The following EFCAB13 variants were observed in gnomAD, a reference collection of about 807,000 sequenced individuals.
The protein encoded by EFCAB13 is EF-hand calcium binding domain 13, also known as EF-hand calcium-binding domain-containing protein 13.
Under a neutral mutation model 110.2 loss-of-function variants are expected in EFCAB13, and 91 were observed. The observed-to-expected ratio is 0.83, with a 90% CI of 0.70 to 0.98. The LOEUF is 0.98. Ranked by LOEUF, EFCAB13 falls within the 50% of genes least tolerant of loss-of-function variation. EFCAB13 has a pLI of 0.00. For synonymous variants in EFCAB13, 323 were observed against 369.9 expected (o/e 0.87, Z 1.45); for missense variants, 968 against 1,119.4 (o/e 0.86, Z 1.93).
At chr17:47,411,254 A>G (rs558437024) in intron 21 of EFCAB13, among the ~76,000 whole-genome samples, 1 of 152,250 alleles carries the variant, frequency 6.6e-6, no homozygotes, top group Admixed American at 6.5e-5. Context: ...ATTTGTATTT[A>G]TTCTGTAGTC....
At position 47,403,954 on chromosome 17, in the gene EFCAB13, A is replaced by G; in HGVS notation, c.2094A>G (p.Leu698=). ...CTGGGAAGAACTTGGAAGACTTTCTAAGAAATGTTGGGATTAAGTCACCTA... is the reference window on the plus strand; with the variant it reads ...CTGGGAAGAACTTGGAAGACTTTCTGAGAAATGTTGGGATTAAGTCACCTA... ...MIAGKNLEDF[L]RNVGIKSPKE... Residue 698 remains leucine (L), a synonymous_variant, in exon 19 of 25, where the codon CTA becomes CTG. Coordinates refer to ENST00000331493, the MANE Select transcript of EFCAB13 (RefSeq NM_152347.5). 6.2e-7 allele frequency: 1 copy of G among 1,612,106 alleles called. No individual in the cohort carries two copies. Among genetic ancestry groups the G allele is most frequent in the Non-Finnish European group, 8.5e-7 (1 of 1,178,916 alleles).
intron 13 of EFCAB13, among the ~76,000 whole-genome samples, 186 bp downstream of exon 13, chr17:47,378,089 A>G (rs2292347): frequency 0.023 from 3,445 of 152,304 alleles, 108 homozygotes; most frequent in East Asian, 0.18. Context: ...GACCAAATGG[A>G]TTGGTTTGGA....
At chr17:47,338,253 T>C (rs1799898283) in intron 5 of EFCAB13, among the ~76,000 whole-genome samples, 1 of 151,448 alleles carries the variant, frequency 6.6e-6, no homozygotes, top group South Asian at 2.1e-4. Flanking sequence ...GTTTTTTTTT[T>C]TTTTTTTCTT....
rs147519392 is a variant in EFCAB13, at chr17:47,344,209, A to G, written c.351A>G (p.Lys117=). The G allele has an allele frequency of 9.3e-6, 15 of 1,613,208 alleles. No individual in the cohort carries two copies. In the African/African-American group the frequency reaches 1.9e-4, roughly 20 times the overall value. ...LKLSKEKVTR[K]ENSLCKLPNQ... ...TGTCAAAGGAGAAGGTGACAAGGAA[A>G]GAAAACTCTTTATGCAAGTTGCCGA... is the stretch of plus-strand genomic sequence containing the variant. Residue 117 remains lysine, a synonymous_variant, in exon 7 of 25, where the codon AAA becomes AAG. Transcript: ENST00000331493.
chr17:47,336,569 G>A (rs540942747), intron 5 of EFCAB13, among the ~76,000 whole-genome samples: 1 of 151,206 alleles, frequency 6.6e-6, no homozygotes, highest in African/African-American at 2.4e-5. Flanking sequence ...GGGATTATAG[G>A]CGTGAGCCAC....
intron 9 of EFCAB13, among the ~76,000 whole-genome samples, chr17:47,355,544 T>C (rs1023680957): frequency 6.6e-6 from 1 of 151,502 alleles, no homozygotes; most frequent in African/African-American, 2.4e-5. Context: ...TTTAACGTAA[T>C]CCCAAACTTC....
intron 23 of EFCAB13, among the ~76,000 whole-genome samples, chr17:47,420,023 A>G (rs12949251): frequency 1.3e-5 from 2 of 151,800 alleles, no homozygotes; most frequent in Non-Finnish European, 2.9e-5. Context: ...TACTGCTGCC[A>G]TCTCGGCTCA....
chr17:47,351,416 T>A (rs1259300233), intron 9 of EFCAB13, among the ~76,000 whole-genome samples: 2 of 152,132 alleles, frequency 1.3e-5, no homozygotes, highest in Non-Finnish European at 2.9e-5. Context: ...GATAAACATA[T>A]GAGTGTAGGT....
chr17:47,365,547 G>A (rs2143330996), intron 10 of EFCAB13, among the ~76,000 whole-genome samples: 1 of 152,298 alleles, frequency 6.6e-6, no homozygotes, highest in South Asian at 2.1e-4. Context: ...GGAAGAAGAT[G>A]GATAGAACCT....
chr17:47,431,766 T>G lies in EFCAB13; in HGVS notation c.2638+1805T>G, dbSNP rs1468352840. Among the ~76,000 whole-genome samples the G allele has an allele frequency of 6.6e-6, 1 of 152,208 alleles. No homozygotes were observed. Among genetic ancestry groups the G allele is most frequent in the Non-Finnish European group, 1.5e-5 (1 of 68,042 alleles). On this transcript the variant is annotated intron_variant, in intron 24 of 24. Coordinates refer to ENST00000331493, the MANE Select transcript of EFCAB13 (RefSeq NM_152347.5). This position sits in a 1 kb window ranked among gnomAD's most constrained non-coding sequence, Gnocchi z 4.1. The stretch of plus-strand genomic sequence containing the variant: ...GGGTTGGGTGAGAGTGTTCTATATA[T>G]TAGATCAGATTTATTGTCAAATTCA...
At chr17:47,357,928 C>T (rs1470673947) in intron 9 of EFCAB13, among the ~76,000 whole-genome samples, 1 of 152,154 alleles carries the variant, frequency 6.6e-6, no homozygotes, top group Non-Finnish European at 1.5e-5. Flanking sequence ...AGCTTATTTA[C>T]TTCCCTATAT....
intron 8 of EFCAB13, 43 bp from the exon 9 acceptor site, chr17:47,347,765 T>A (rs776616673): frequency 1.2e-5 from 16 of 1,325,616 alleles, no homozygotes; most frequent in Non-Finnish European, 1.6e-5. Flanking sequence ...GGATAATTAT[T>A]CTTTTTGATT....
chr17:47,405,013 GA>G (rs1201718749), intron 20 of EFCAB13, among the ~76,000 whole-genome samples: 15 of 152,272 alleles, frequency 9.9e-5, no homozygotes, highest in Admixed American at 9.8e-4. Flanking sequence ...ATATCCCTAT[GA>G]AGCTTTGGTA....
intron 13 of EFCAB13, among the ~76,000 whole-genome samples, chr17:47,378,126 G>T (rs1476409251): frequency 6.6e-6 from 1 of 152,162 alleles, no homozygotes; most frequent in Non-Finnish European, 1.5e-5. Context: ...GATCATTTCA[G>T]TAAAGCTCTT....
At chr17:47,361,000 GTTTAA>G (rs147457031) in intron 9 of EFCAB13, among the ~76,000 whole-genome samples, 8,199 of 152,176 alleles carry the variant, frequency 0.054, 244 homozygotes, top group Middle Eastern at 0.15. Context: ...GTGATTTAGT[GTTTAA>G]TTTATTTTAG....
At chr17:47,337,095 G>A (rs1289297739) in intron 5 of EFCAB13, among the ~76,000 whole-genome samples, 1 of 152,112 alleles carries the variant, frequency 6.6e-6, no homozygotes, top group Non-Finnish European at 1.5e-5. Context: ...TTTGTTAGAT[G>A]GCAAAAGATG....
intron 14 of EFCAB13, among the ~76,000 whole-genome samples, chr17:47,389,120 C>T (rs577392264): frequency 6.6e-6 from 1 of 152,266 alleles, no homozygotes; most frequent in Admixed American, 6.5e-5. Context: ...GCAGCCTAGA[C>T]CTCCTGGGCT....
In EFCAB13 at chr17:47,412,758, C is replaced by A; in HGVS notation, c.2279-15C>A. The A allele has an allele frequency of 6.2e-7, 1 of 1,606,674 alleles. No individual in the cohort carries two copies. The highest frequency in any genetic ancestry group is 8.5e-7 in the Non-Finnish European group (1 of 1,176,222). ...TTTTTACACCATAATAGCTTGTGTACATTTATCTTTGTAGAGATTAAAGAA... is the reference window on the plus strand; with the variant it reads ...TTTTTACACCATAATAGCTTGTGTAAATTTATCTTTGTAGAGATTAAAGAA... On this transcript the variant is annotated splice_polypyrimidine_tract_variant and intron_variant, in intron 21 of 24. Transcript: ENST00000331493.
chr17:47,330,231 C>T (rs1201997083), intron 4 of EFCAB13, among the ~76,000 whole-genome samples: 1 of 151,704 alleles, frequency 6.6e-6, no homozygotes, highest in Non-Finnish European at 1.5e-5. Flanking sequence ...TATTTAGAAG[C>T]AATATAGCTT....
Sources: gnomAD v4.1 joint callset for allele counts (sites outside exome capture counted in the v4.1 genomes callset) on GRCh38, gnomAD v4.1.1 for gene constraint, Gnocchi (gnomAD v3.1) non-coding constraint, MANE v1.5 for transcripts, NCBI Gene and HGNC (gene_info 2026-07-23, HGNC 2026-07-21) for gene names.